The following SEMG2 variants were observed in gnomAD, a reference collection of about 807,000 sequenced individuals.
SEMG2 encodes the protein semenogelin-2.
In SEMG2, 3 loss-of-function variants were observed where a neutral mutation model predicts 8.1. The observed-to-expected ratio is 0.37, with a 90% CI of 0.17 to 0.96. The LOEUF is 0.96. Ranked by LOEUF, SEMG2 falls within the 40% of genes least tolerant of loss-of-function variation. The pLI is 0.41. For synonymous variants in SEMG2, 252 were observed against 231.4 expected (o/e 1.09, Z -0.81); for missense variants, 726 against 671.2 (o/e 1.08, Z -0.90).
Position 45,221,834 on chromosome 20 carries a change from A to C in SEMG2, c.202A>C (p.Thr68Pro). ...KSKGSFSIQHTYHVDINDHDW... is the reference protein window; with the variant it reads ...KSKGSFSIQHPYHVDINDHDW... ...CAAAGGCAGTTTTTCTATTCAACAC[A>C]CATATCATGTAGACATCAATGATCA... The change falls in exon 2 of 3, where the codon ACA (threonine) becomes CCA (proline). Residue 68 changes from threonine to proline, a missense_variant. Physicochemically the swap from Thr to Pro is conservative, Grantham distance 38. Transcript: ENST00000372769. 3 of 1,614,200 alleles carry C rather than the reference A, an allele frequency of 1.9e-6. No homozygotes were observed. The highest frequency in any genetic ancestry group is 2.5e-6 in the Non-Finnish European group (3 of 1,180,004).
In SEMG2 at chr20:45,223,444, C is replaced by G; in HGVS notation, c.*44+19C>G. 4.9e-6 allele frequency: 6 copies of G among 1,222,070 alleles called. No homozygotes were observed. In the South Asian group the frequency reaches 7.2e-5, roughly 15 times the overall value. The allele number at this position is 1,222,070 out of a possible 1,614,324, so 75.7% of individuals were successfully genotyped here. A position where few individuals can be genotyped will look rare whatever the true frequency, so the allele number is the denominator to read the frequency against. ...TAGCAAGGTAAGTTTGCTTTTCTTACCAAATAGGAGAGGTGCCTGTCCCAA... is the reference window on the plus strand; with the variant it reads ...TAGCAAGGTAAGTTTGCTTTTCTTAGCAAATAGGAGAGGTGCCTGTCCCAA... On this transcript the variant is annotated intron_variant, in intron 2 of 2. Coordinates refer to ENST00000372769, the MANE Select transcript of SEMG2 (RefSeq NM_003008.3).
In SEMG2 at chr20:45,222,726, T is replaced by A. The variant is rs1231885057; in HGVS notation, c.1094T>A (p.Ile365Asn). 2 of 1,612,904 alleles carry A rather than the reference T, an allele frequency of 1.2e-6. No homozygotes were observed. The highest frequency in any genetic ancestry group is 2.2e-5 in the East Asian group (1 of 44,766). Reference sequence around the variant, plus strand: ...CATCTCAACTGTGGAGAAAAGGGCATCCAGAAAGGTGTATCCAAAGGCAGT... The same window carrying A: ...CATCTCAACTGTGGAGAAAAGGGCAACCAGAAAGGTGTATCCAAAGGCAGT... ...ERHLNCGEKG[I>N]QKGVSKGSIS... Residue 365 changes from isoleucine to asparagine, a missense_variant, in exon 2 of 3, where the codon ATC becomes AAC. Ile to Asn is a moderately radical substitution (Grantham distance 149). Coordinates refer to ENST00000372769, the MANE Select transcript of SEMG2 (RefSeq NM_003008.3).
In SEMG2 at chr20:45,222,275, CA is replaced by C; in HGVS notation, c.647del (p.Asn216IlefsTer11). ...ACAACGTGAGACTAAAAATTCTCATCAAAATAAAGGGCATTACCAAAATGTG... is the reference window on the plus strand; with the variant it reads ...ACAACGTGAGACTAAAAATTCTCATCAAATAAAGGGCATTACCAAAATGTG... ...KQQRETKNSH[Q>X]NKGHYQNVVD... On this transcript the variant is annotated frameshift_variant, in exon 2 of 3. Transcript: ENST00000372769. LOFTEE classifies it low-confidence loss of function (END_TRUNC). 1.9e-6 allele frequency: 3 copies of C among 1,613,986 alleles called. No homozygotes were observed. The highest frequency in any genetic ancestry group is 2.5e-6 in the Non-Finnish European group (3 of 1,179,972).
rs773841242 is a variant in SEMG2, at chr20:45,223,370, A to G, written c.1738A>G (p.Ile580Val). 35 of 1,609,604 alleles carry G rather than the reference A, an allele frequency of 2.2e-5. No individual in the cohort carries two copies. The Middle Eastern group carries it at 6.6e-4, about 30-fold the overall frequency. Reference protein sequence around the residue: ...TQQYNEDRNPIST With the variant: ...TQQYNEDRNPVST The stretch of plus-strand genomic sequence containing the variant: ...ACAATATAATGAAGACAGAAATCCA[A>G]TATCTACATAGCCCTGTTGCTTAGC... The change falls in exon 2 of 3, where the codon ATA becomes GTA. Residue 580 changes from isoleucine to valine, a missense_variant. Physicochemically the swap from Ile to Val is conservative, Grantham distance 29 (BLOSUM62 3). Coordinates refer to ENST00000372769, the MANE Select transcript of SEMG2 (RefSeq NM_003008.3).
Position 45,223,381 on chromosome 20 carries a change from G to A in SEMG2, c.1749G>A (p.Ter583=). 4.4e-6 allele frequency: 7 copies of A among 1,594,752 alleles called. No homozygotes were observed. The highest frequency in any genetic ancestry group is 6.0e-6 in the Non-Finnish European group (7 of 1,167,864). The part of the protein sequence containing the change: ...YNEDRNPIST[*] ...AAGACAGAAATCCAATATCTACATA[G>A]CCCTGTTGCTTAGCAACCACTTGAA... Residue 583 remains the stop codon, a stop_retained_variant, in exon 2 of 3, where the codon TAG becomes TAA. Coordinates refer to ENST00000372769, the MANE Select transcript of SEMG2 (RefSeq NM_003008.3).
rs752245851 is a variant in SEMG2, at chr20:45,222,714, G to T, written c.1082G>T (p.Gly361Val). The T allele has an allele frequency of 6.2e-7, 1 of 1,613,532 alleles. No homozygotes were observed. Residue 361 changes from glycine (G) to valine (V), a missense_variant, in exon 2 of 3, where the codon GGA becomes GTA. Transcript: ENST00000372769. ...ACAGAAGAAAGACATCTCAACTGTG[G>T]AGAAAAGGGCATCCAGAAAGGTGTA... ...SSTEERHLNC[G>V]EKGIQKGVSK...
chr20:45,221,977 C>A lies in SEMG2; in HGVS notation c.345C>A (p.Asp115Glu), dbSNP rs1984025150. 1 of 1,613,940 alleles carries A rather than the reference C, an allele frequency of 6.2e-7. No homozygotes were observed. Among genetic ancestry groups the A allele is most frequent in the African/African-American group, 1.3e-5 (1 of 75,040 alleles). Reference protein sequence around the residue: ...QLLNYKQEGRDHDKSKGHFHM... With the variant: ...QLLNYKQEGREHDKSKGHFHM... The stretch of plus-strand genomic sequence containing the variant: ...TCAATTATAAACAAGAAGGCAGAGA[C>A]CATGATAAATCAAAAGGTCATTTTC... The change falls in exon 2 of 3, where the codon GAC (aspartate) becomes GAA (glutamate). Residue 115 changes from aspartate to glutamate, a missense_variant. Transcript: ENST00000372769.
chr20:45,223,100 T>A lies in SEMG2; in HGVS notation c.1468T>A (p.Ser490Thr). The A allele has an allele frequency of 6.2e-7, 1 of 1,614,102 alleles. No homozygotes were observed. Among genetic ancestry groups the A allele is most frequent in the Non-Finnish European group, 8.5e-7 (1 of 1,180,002 alleles). Residue 490 changes from serine (S) to threonine (T), a missense_variant, in exon 2 of 3, where the codon TCC becomes ACC. Physicochemically the swap from Ser to Thr is moderately conservative, Grantham distance 58. Coordinates refer to ENST00000372769, the MANE Select transcript of SEMG2 (RefSeq NM_003008.3). ...AGGAAAGAGCACGCAGAAAGATGTATCCCAAAGCAGTATTTCTTTCCAAAT... is the reference window on the plus strand; with the variant it reads ...AGGAAAGAGCACGCAGAAAGATGTAACCCAAAGCAGTATTTCTTTCCAAAT... ...YGGKSTQKDV[S>T]QSSISFQIEK...
chr20:45,222,460 T>G lies in SEMG2; in HGVS notation c.828T>G (p.Asp276Glu). The G allele has an allele frequency of 6.2e-7, 1 of 1,613,994 alleles. No homozygotes were observed. Among genetic ancestry groups the G allele is most frequent in the African/African-American group, 1.3e-5 (1 of 75,008 alleles). Reference protein sequence around the residue: ...NQHQTKNLSQDQEHGRKAHKI... With the variant: ...NQHQTKNLSQEQEHGRKAHKI... Reference sequence around the variant, plus strand: ...ACCAGACAAAAAATCTCAGTCAAGATCAAGAGCATGGCCGGAAGGCACATA... The same window carrying G: ...ACCAGACAAAAAATCTCAGTCAAGAGCAAGAGCATGGCCGGAAGGCACATA... The change falls in exon 2 of 3, where the codon GAT becomes GAG. Residue 276 changes from aspartate to glutamate, a missense_variant. Physicochemically the swap from Asp to Glu is conservative, Grantham distance 45. Coordinates refer to ENST00000372769, the MANE Select transcript of SEMG2 (RefSeq NM_003008.3).
At position 45,223,214 on chromosome 20, in the gene SEMG2, G is replaced by C; in HGVS notation, c.1582G>C (p.Gly528Arg). 6.2e-7 allele frequency: 1 copy of C among 1,614,100 alleles called. No individual in the cohort carries two copies. ...WSGQNAKGKS[G>R]QSADSKQDLL... is the part of the protein sequence containing the mutation. ...TGGCCAAAATGCAAAAGGAAAGTCT[G>C]GTCAATCTGCAGATAGCAAACAAGA... The change falls in exon 2 of 3, where the codon GGT becomes CGT. Residue 528 changes from glycine (G) to arginine (R), a missense_variant. Physicochemically the swap from Gly to Arg is moderately radical, Grantham distance 125 (BLOSUM62 -2). Transcript: ENST00000372769.
intron 2 of SEMG2, among the ~76,000 whole-genome samples, 186 bp from the exon 3 acceptor site, chr20:45,224,105 A>T (rs1401480425): frequency 6.6e-6 from 1 of 152,168 alleles, no homozygotes; most frequent in Non-Finnish European, 1.5e-5. Context: ...TGCAATAAGT[A>T]ACACTGTACC....
At chr20:45,223,936 T>C (rs571182551) in intron 2 of SEMG2, among the ~76,000 whole-genome samples, 1 of 152,162 alleles carries the variant, frequency 6.6e-6, no homozygotes, top group South Asian at 2.1e-4. Context: ...ATAGGAAAGA[T>C]ATGAGTAGAA....
chr20:45,222,192 A>C lies in SEMG2; in HGVS notation c.560A>C (p.Gln187Pro). 2 of 1,614,196 alleles carry C rather than the reference A, an allele frequency of 1.2e-6. No homozygotes were observed. Among genetic ancestry groups the C allele is most frequent in the Non-Finnish European group, 1.7e-6 (2 of 1,180,016 alleles). The change falls in exon 2 of 3, where the codon CAA becomes CCA. Residue 187 changes from glutamine to proline, a missense_variant. By Grantham distance (76) the Gln-to-Pro change is moderately conservative. Coordinates refer to ENST00000372769, the MANE Select transcript of SEMG2 (RefSeq NM_003008.3). The stretch of plus-strand genomic sequence containing the variant: ...TCTGGTGCACAAAAAGGTAGAACAC[A>C]AGGTGGATCCCAAAGCAGTTATGTT... ...SASGAQKGRT[Q>P]GGSQSSYVLQ...
Position 45,222,866 on chromosome 20 carries a change from A to G in SEMG2, c.1234A>G (p.Ser412Gly). ...KENKISYQSS[S>G]TEERRLNSGE... The stretch of plus-strand genomic sequence containing the variant: ...AAATAAAATATCATACCAATCTTCG[A>G]GTACAGAAGAAAGACGTCTCAACAG... The change falls in exon 2 of 3, where the codon AGT becomes GGT. Residue 412 changes from serine (S) to glycine (G), a missense_variant. Coordinates refer to ENST00000372769, the MANE Select transcript of SEMG2 (RefSeq NM_003008.3). The G allele has an allele frequency of 6.2e-7, 1 of 1,614,002 alleles. No homozygotes were observed. Among genetic ancestry groups the G allele is most frequent in the Admixed American group, 1.7e-5 (1 of 60,018 alleles).
chr20:45,221,680 A>G (rs374211653), intron 1 of SEMG2, 29 bp from the exon 2 acceptor site: 3 of 1,540,730 alleles, frequency 1.9e-6, no homozygotes, highest in Non-Finnish European at 1.8e-6. Flanking sequence ...GAGATAATGA[A>G]TGCATACATT....
At position 45,222,978 on chromosome 20, in the gene SEMG2, A is replaced by G; in HGVS notation, c.1346A>G (p.Gln449Arg). ...AAAATACATGGCAAGTCTCAAAACC[A>G]GGTAACAATTCCTAGTCAAGATCAA... ...EEKIHGKSQN[Q>R]VTIPSQDQEH... Residue 449 changes from glutamine (Q) to arginine (R), a missense_variant, in exon 2 of 3, where the codon CAG (glutamine) becomes CGG (arginine). Physicochemically the swap from Gln to Arg is conservative, Grantham distance 43 (BLOSUM62 1). Transcript: ENST00000372769. 2 of 1,614,170 alleles carry G rather than the reference A, an allele frequency of 1.2e-6. No homozygotes were observed.
chr20:45,221,735 G>A lies in SEMG2; in HGVS notation c.103G>A (p.Gly35Arg), dbSNP rs200326613. ...KGGSKGQLPS[G>R]SSQFPHGQKG... ...TGGATCAAAAGGCCAATTGCCAAGC[G>A]GATCTTCCCAATTTCCACATGGACA... The change falls in exon 2 of 3, where the codon GGA (glycine) becomes AGA (arginine). Residue 35 changes from glycine (G) to arginine (R), a missense_variant. By Grantham distance (125) the Gly-to-Arg change is moderately radical. Transcript: ENST00000372769. 101 of 1,609,690 alleles carry A rather than the reference G, an allele frequency of 6.3e-5. No homozygotes were observed. The South Asian group carries it at 8.0e-4, about 13-fold the overall frequency.
Position 45,222,826 on chromosome 20 carries a change from G to C in SEMG2, c.1194G>C (p.Glu398Asp), listed in dbSNP as rs1170703385. The change falls in exon 2 of 3, where the codon GAG becomes GAC. Residue 398 changes from glutamate to aspartate, a missense_variant. Physicochemically the swap from Glu to Asp is conservative, Grantham distance 45. Transcript: ENST00000372769. Reference sequence around the variant, plus strand: ...TAAGAATTCCTAGTCAAGCTCAAGAGTATGGCCATAAGGAAAATAAAATAT... The same window carrying C: ...TAAGAATTCCTAGTCAAGCTCAAGACTATGGCCATAAGGAAAATAAAATAT... ...NQVRIPSQAQEYGHKENKISY... is the reference protein window; with the variant it reads ...NQVRIPSQAQDYGHKENKISY... The C allele has an allele frequency of 1.2e-5, 19 of 1,613,902 alleles. No homozygotes were observed. In the Admixed American group the frequency reaches 3.2e-4, roughly 27 times the overall value.
At position 45,222,512 on chromosome 20, in the gene SEMG2, GAAGA is replaced by G; in HGVS notation, c.885_888del (p.Glu295AspfsTer35). Reference sequence around the variant, plus strand: ...AATATCATACCCGTCTTCACGTACAGAAGAAAGACAACTTCACCATGGAGAAAAG... The same window carrying G: ...AATATCATACCCGTCTTCACGTACAGAAGACAACTTCACCATGGAGAAAAG... On this transcript the variant is annotated frameshift_variant, in exon 2 of 3. Coordinates refer to ENST00000372769, the MANE Select transcript of SEMG2 (RefSeq NM_003008.3). LOFTEE classifies it low-confidence loss of function (END_TRUNC). 1 of 1,613,978 alleles carries G rather than the reference GAAGA, an allele frequency of 6.2e-7. No individual in the cohort carries two copies. The highest frequency in any genetic ancestry group is 8.5e-7 in the Non-Finnish European group (1 of 1,179,974).
Sources: allele counts gnomAD v4.1 joint callset (sites outside exome capture counted in the v4.1 genomes callset), GRCh38; gene constraint gnomAD v4.1.1; transcripts MANE v1.5; gene names NCBI Gene and HGNC (gene_info 2026-07-23, HGNC 2026-07-21).